SEMA3C: variants seen among roughly 807,000 people sequenced by gnomAD.
SEMA3C encodes semaphorin-3C.
A neutral mutation model predicts 89.4 loss-of-function variants in SEMA3C; 47 were observed. The observed-to-expected ratio is 0.53, with a 90% CI of 0.42 to 0.67. The LOEUF is 0.67. SEMA3C is among the 30% of genes least tolerant of loss of function. The pLI is 0.00. For synonymous variants in SEMA3C, 310 were observed against 320.2 expected, an observed-to-expected ratio of 0.97 and a Z score of 0.34; for missense variants, 839 against 929.1, an observed-to-expected ratio of 0.90 and a Z score of 1.26.
intron 2 of SEMA3C, among the ~76,000 whole-genome samples, chr7:80,861,229 G>A (rs1312490157): frequency 1.3e-5 from 2 of 152,030 alleles, no homozygotes; most frequent in Non-Finnish European, 2.9e-5. Flanking sequence ...TTATTGAAAA[G>A]AAATACATAT....
intron 2 of SEMA3C, among the ~76,000 whole-genome samples, 174 bp from the exon 3 acceptor site, chr7:80,828,919 T>C (rs1361144025): frequency 6.6e-6 from 1 of 152,156 alleles, no homozygotes; most frequent in Admixed American, 6.6e-5. Context: ...TCTCAGCACT[T>C]TGGGAGGCAA....
chr7:80,881,420 A>T (rs958551949), intron 2 of SEMA3C, among the ~76,000 whole-genome samples: 1 of 152,166 alleles, frequency 6.6e-6, no homozygotes, highest in Admixed American at 6.5e-5. Context: ...TATCACTAAC[A>T]TAGCAACACT....
At chr7:80,778,576 T>C (rs1788620466) in intron 12 of SEMA3C, among the ~76,000 whole-genome samples, 2 of 152,214 alleles carry the variant, frequency 1.3e-5, no homozygotes, top group African/African-American at 4.8e-5. Flanking sequence ...TCTACATTTC[T>C]AGGTGCCTGG....
intron 2 of SEMA3C, among the ~76,000 whole-genome samples, chr7:80,830,908 G>GA (rs1395426972): frequency 6.6e-6 from 1 of 152,110 alleles, no homozygotes; most frequent in Admixed American, 6.6e-5. Flanking sequence ...AGGGCTAATA[G>GA]AAAAAAATCC....
chr7:80,763,520 G>A (rs1730671415), intron 13 of SEMA3C, among the ~76,000 whole-genome samples: 1 of 152,098 alleles, frequency 6.6e-6, no homozygotes, highest in Admixed American at 6.6e-5. Flanking sequence ...TTTTTCCACT[G>A]AGAGTTTATT....
intron 12 of SEMA3C, among the ~76,000 whole-genome samples, chr7:80,788,447 C>T (rs73370892): frequency 0.014 from 2,079 of 152,202 alleles, 57 homozygotes; most frequent in African/African-American, 0.047. Flanking sequence ...AGAGGGCTTG[C>T]GAAAACACAG....
chr7:80,854,193 G>A (rs1790581730), intron 2 of SEMA3C, among the ~76,000 whole-genome samples: 1 of 152,128 alleles, frequency 6.6e-6, no homozygotes, highest in African/African-American at 2.4e-5. Flanking sequence ...AAGACTCTAT[G>A]TACCCCAAAA....
rs78520696 is a variant in SEMA3C, at chr7:80,903,666, A to C, written c.103+13013T>G. Among the ~76,000 whole-genome samples the C allele has an allele frequency of 1.6e-4, 25 of 152,278 alleles. No individual in the cohort carries two copies. In the East Asian group the frequency reaches 4.8e-3, roughly 29 times the overall value. On this transcript the variant is annotated intron_variant, in intron 2 of 17. Transcript: ENST00000265361. ...GACAGAGCAAGACTCTGTCTCAAAA[A>C]AATTAAAAATAAATCTTATGAGACT... is the stretch of plus-strand genomic sequence containing the variant.
chr7:80,744,932 T>G lies in SEMA3C; in HGVS notation c.2218A>C (p.Lys740Gln), dbSNP rs1254478519. 41 of 1,613,992 alleles carry G rather than the reference T, an allele frequency of 2.5e-5. No homozygotes were observed. In the Admixed American group the frequency reaches 6.7e-4, roughly 26 times the overall value. Residue 740 changes from lysine (K) to glutamine (Q), a missense_variant, in exon 18 of 18, where the codon AAA becomes CAA. Transcript: ENST00000265361. ...GKLKALINSR[K>Q]SRNRRNQLPE... is the part of the protein sequence containing the mutation. ...AACTGATTCCTCCTGTTTCTACTTT[T>G]CCGACTATTGATGAGGGCCTTTAAC... is the stretch of plus-strand genomic sequence containing the variant.
chr7:80,916,177 C>G (rs1792269000), intron 2 of SEMA3C, among the ~76,000 whole-genome samples: 1 of 152,190 alleles, frequency 6.6e-6, no homozygotes, highest in Non-Finnish European at 1.5e-5. Context: ...AATTAGGGGA[C>G]TATGCCAATC....
chr7:80,807,439 T>G (rs1441018996), intron 6 of SEMA3C, among the ~76,000 whole-genome samples: 1 of 152,202 alleles, frequency 6.6e-6, no homozygotes, highest in Non-Finnish European at 1.5e-5. Flanking sequence ...CGCAGTAATT[T>G]TAACAGCAAG....
chr7:80,864,504 A>G (rs1790880440), intron 2 of SEMA3C, among the ~76,000 whole-genome samples: 1 of 152,154 alleles, frequency 6.6e-6, no homozygotes, highest in Non-Finnish European at 1.5e-5. Flanking sequence ...TTGTTACTAA[A>G]GTAATCTTAA....
chr7:80,835,959 A>C (rs4141043), intron 2 of SEMA3C, among the ~76,000 whole-genome samples: 32,057 of 152,150 alleles, frequency 0.21, 3,761 homozygotes, highest in East Asian at 0.36. Flanking sequence ...CTGTGAACTC[A>C]ATCAGATGAC....
intron 13 of SEMA3C, among the ~76,000 whole-genome samples, chr7:80,764,887 A>G (rs1480127041): frequency 2.6e-5 from 4 of 152,228 alleles, no homozygotes; most frequent in African/African-American, 7.2e-5. Flanking sequence ...TTTAAAAATA[A>G]TGATGACCAC....
At chr7:80,766,228 C>T (rs1199246598) in intron 12 of SEMA3C, among the ~76,000 whole-genome samples, 1 of 152,186 alleles carries the variant, frequency 6.6e-6, no homozygotes, top group African/African-American at 2.4e-5. Flanking sequence ...CATAGCTAGT[C>T]AGACATGAAT....
intron 17 of SEMA3C, among the ~76,000 whole-genome samples, chr7:80,747,399 C>G (rs1430924065): frequency 6.6e-6 from 1 of 151,966 alleles, no homozygotes; most frequent in Non-Finnish European, 1.5e-5. Flanking sequence ...TTCTATTGAA[C>G]TTTCTACTGA....
At chr7:80,813,730 C>G (rs112798855) in intron 5 of SEMA3C, among the ~76,000 whole-genome samples, 7 of 152,048 alleles carry the variant, frequency 4.6e-5, no homozygotes, top group Non-Finnish European at 2.9e-5. Context: ...AGGCTTTATG[C>G]CATTATTTAA....
At chr7:80,873,982 C>T (rs1331732388) in intron 2 of SEMA3C, among the ~76,000 whole-genome samples, 2 of 152,104 alleles carry the variant, frequency 1.3e-5, no homozygotes, top group East Asian at 1.9e-4. Flanking sequence ...CTCAACTTAC[C>T]TTCTCTTCTT....
At chr7:80,841,205 G>C (rs1790260628) in intron 2 of SEMA3C, among the ~76,000 whole-genome samples, 1 of 152,128 alleles carries the variant, frequency 6.6e-6, no homozygotes, top group South Asian at 2.1e-4. Context: ...TTGCTAGAAA[G>C]ATAATTCTGC....
Sources: gnomAD v4.1 joint callset for allele counts (sites outside exome capture counted in the v4.1 genomes callset) on GRCh38, gnomAD v4.1.1 for gene constraint, MANE v1.5 for transcripts, NCBI Gene and HGNC (gene_info 2026-07-23, HGNC 2026-07-21) for gene names.